The following RUNDC3B variants were observed in gnomAD, a reference collection of about 807,000 sequenced individuals.
The protein encoded by RUNDC3B is RUN domain containing 3B, also known as RUN domain-containing protein 3B.
RUNDC3B carries 33 observed loss-of-function variants against 58.4 expected under a neutral mutation model. That is an observed-to-expected ratio of 0.56 (90% CI 0.43 to 0.75). The LOEUF (loss-of-function observed/expected upper bound fraction) is 0.75. Among genes scored for constraint, RUNDC3B ranks in the 30% least tolerant of loss-of-function variants. RUNDC3B has a pLI of 0.00. For missense variants in RUNDC3B, 501 were observed against 535.7 expected (o/e 0.94, Z 0.64); for synonymous variants, 193 against 195.2 (o/e 0.99, Z 0.10).
At position 87,816,194 on chromosome 7, in the gene RUNDC3B, C is replaced by T. The variant is rs1837020517; in HGVS notation, c.1157C>T (p.Thr386Ile). 14 of 1,609,180 alleles carry T rather than the reference C, an allele frequency of 8.7e-6. No homozygotes were observed. Among genetic ancestry groups the T allele is most frequent in the Middle Eastern group, 1.7e-4 (1 of 6,054 alleles). The change falls in exon 10 of 11, where the codon ACT (threonine) becomes ATT (isoleucine). Residue 386 changes from threonine (T) to isoleucine (I), a missense_variant. Transcript: ENST00000394654. ...TCAGCAGAAGTTAGCCTTTCTCAGACTTCACTAGATCCAGGCCAGTCACAA... is the reference window on the plus strand; with the variant it reads ...TCAGCAGAAGTTAGCCTTTCTCAGATTTCACTAGATCCAGGCCAGTCACAA... ...QLSAEVSLSQ[T>I]SLDPGQSQEG...
At chr7:87,661,053 T>C (rs1824655432) in intron 2 of RUNDC3B, among the ~76,000 whole-genome samples, 1 of 151,976 alleles carries the variant, frequency 6.6e-6, no homozygotes, top group Non-Finnish European at 1.5e-5. Flanking sequence ...GTTATTTACA[T>C]TTTTTGGCTT....
intron 1 of RUNDC3B, among the ~76,000 whole-genome samples, chr7:87,650,382 T>C (rs1000162630): frequency 5.9e-5 from 9 of 152,022 alleles, no homozygotes; most frequent in Non-Finnish European, 5.9e-5. Context: ...ACCATCAGAT[T>C]GGGTGTCTGG....
chr7:87,810,299 C>T (rs1360801826), intron 9 of RUNDC3B, among the ~76,000 whole-genome samples: 1 of 152,102 alleles, frequency 6.6e-6, no homozygotes, highest in Admixed American at 6.6e-5. Context: ...CTTTTATAGG[C>T]CAAACAAAAG....
intron 8 of RUNDC3B, among the ~76,000 whole-genome samples, chr7:87,785,242 G>C (rs1468698873): frequency 6.6e-6 from 1 of 151,966 alleles, no homozygotes; most frequent in African/African-American, 2.4e-5. Context: ...AGTGTTCCAG[G>C]CCATGGGGCT....
At chr7:87,733,446 T>G (rs1049810548) in intron 4 of RUNDC3B, among the ~76,000 whole-genome samples, 3 of 152,184 alleles carry the variant, frequency 2.0e-5, no homozygotes, top group Non-Finnish European at 2.9e-5. Flanking sequence ...TTTACACTAT[T>G]AAGATAAATT....
chr7:87,780,151 ATGG>A (rs1442495843), intron 8 of RUNDC3B, among the ~76,000 whole-genome samples: 2 of 152,160 alleles, frequency 1.3e-5, no homozygotes, highest in African/African-American at 2.4e-5. Flanking sequence ...ATACCTAGTA[ATGG>A]TATTGCTGGG....
chr7:87,678,061 A>C (rs895548272), intron 2 of RUNDC3B, among the ~76,000 whole-genome samples: 1 of 152,224 alleles, frequency 6.6e-6, no homozygotes, highest in East Asian at 1.9e-4. Context: ...CTTCAGGCTA[A>C]AGGGAGATGG....
At chr7:87,821,772 C>G (rs376685998) in intron 10 of RUNDC3B, among the ~76,000 whole-genome samples, 13 of 152,220 alleles carry the variant, frequency 8.5e-5, no homozygotes, top group South Asian at 6.2e-4. Flanking sequence ...ACAAACCTGA[C>G]AAAAACCAGC....
intron 6 of RUNDC3B, among the ~76,000 whole-genome samples, chr7:87,751,863 T>A (rs1170718349): frequency 6.6e-6 from 1 of 152,188 alleles, no homozygotes; most frequent in Admixed American, 6.5e-5. Context: ...GAATACCCTT[T>A]ATTTCCTTCT....
intron 2 of RUNDC3B, among the ~76,000 whole-genome samples, chr7:87,688,032 A>G (rs1425193793): frequency 2.6e-5 from 4 of 152,180 alleles, no homozygotes; most frequent in African/African-American, 9.6e-5. Flanking sequence ...CCATATACTC[A>G]GGCCAAAACA....
intron 2 of RUNDC3B, among the ~76,000 whole-genome samples, chr7:87,688,731 G>C (rs1827723655): frequency 6.6e-6 from 1 of 151,702 alleles, no homozygotes; most frequent in African/African-American, 2.4e-5. Context: ...ATATTGTTTT[G>C]AATGTCTAAA....
intron 2 of RUNDC3B, among the ~76,000 whole-genome samples, chr7:87,670,677 G>A (rs2130515597): frequency 6.6e-6 from 1 of 152,298 alleles, no homozygotes; most frequent in South Asian, 2.1e-4. Flanking sequence ...ACCAGGCCAA[G>A]GCTTTGTGCA....
intron 2 of RUNDC3B, among the ~76,000 whole-genome samples, chr7:87,671,180 G>A (rs771274105): frequency 1.1e-4 from 16 of 152,194 alleles, no homozygotes; most frequent in Non-Finnish European, 2.4e-4. Flanking sequence ...ACTGTGGGGT[G>A]TGTGGGACCT....
chr7:87,796,572 A>G (rs1048103929), intron 8 of RUNDC3B, among the ~76,000 whole-genome samples: 1 of 152,194 alleles, frequency 6.6e-6, no homozygotes, highest in African/African-American at 2.4e-5. Context: ...TACGACATAA[A>G]AACATAACAT....
intron 1 of RUNDC3B, 57 bp from the exon 2 acceptor site, chr7:87,650,765 C>T: frequency 9.5e-7 from 1 of 1,053,122 alleles, no homozygotes; most frequent in Non-Finnish European, 1.5e-6. Context: ...CCATTTTTTT[C>T]ATACTTAGGG....
At chr7:87,825,690 C>T (rs1191577291) in intron 10 of RUNDC3B, among the ~76,000 whole-genome samples, 3 of 152,152 alleles carry the variant, frequency 2.0e-5, no homozygotes, top group East Asian at 1.9e-4. Context: ...TGAAGGCAGC[C>T]GGAAGCGAGG....
chr7:87,804,514 G>A (rs1043525017), intron 8 of RUNDC3B, among the ~76,000 whole-genome samples: 1 of 152,104 alleles, frequency 6.6e-6, no homozygotes. Flanking sequence ...AATCTAAAGA[G>A]AAATTATCTA....
At chr7:87,802,287 G>A (rs1836207283) in intron 8 of RUNDC3B, among the ~76,000 whole-genome samples, 1 of 152,086 alleles carries the variant, frequency 6.6e-6, no homozygotes, top group South Asian at 2.1e-4. Flanking sequence ...CCAGCTACTG[G>A]GAGGCTGAGA....
chr7:87,771,088 T>C (rs947076909), intron 7 of RUNDC3B, among the ~76,000 whole-genome samples: 26 of 152,216 alleles, frequency 1.7e-4, no homozygotes, highest in Non-Finnish European at 3.2e-4. Context: ...ATCTGATTTT[T>C]TGAAAATTAG....
Sources: gnomAD v4.1 joint callset for allele counts (sites outside exome capture counted in the v4.1 genomes callset) on GRCh38, gnomAD v4.1.1 for gene constraint, MANE v1.5 for transcripts, NCBI Gene and HGNC (gene_info 2026-07-23, HGNC 2026-07-21) for gene names.